MBOAT1: variants seen among roughly 807,000 people sequenced by gnomAD.
MBOAT1 encodes the protein membrane-bound glycerophospholipid O-acyltransferase 1.
A neutral mutation model predicts 64.4 loss-of-function variants in MBOAT1; 67 were observed. That is an observed-to-expected ratio of 1.04 (90% confidence interval 0.85 to 1.27). The LOEUF is 1.27. MBOAT1 is among the 50% of genes most tolerant of loss of function. The pLI is 0.00. For synonymous variants in MBOAT1, 229 were observed against 218.9 expected, an observed-to-expected ratio of 1.05 and a Z score of -0.41; for missense variants, 563 against 604.6, an observed-to-expected ratio of 0.93 and a Z score of 0.72.
At chr6:20,191,444 T>C (rs1486516133) in intron 1 of MBOAT1, among the ~76,000 whole-genome samples, 2 of 152,204 alleles carry the variant, frequency 1.3e-5, no homozygotes, top group Non-Finnish European at 2.9e-5. Context: ...CCTCCAACAA[T>C]GTCTCCTCAT....
intron 1 of MBOAT1, among the ~76,000 whole-genome samples, chr6:20,210,839 G>C (rs550624147): frequency 2.6e-5 from 4 of 152,266 alleles, no homozygotes; most frequent in Admixed American, 2.6e-4. Context: ...CTGATAGGGA[G>C]TGGAGAGGTA....
chr6:20,177,396 G>A (rs532338294), intron 1 of MBOAT1, among the ~76,000 whole-genome samples: 1 of 152,216 alleles, frequency 6.6e-6, no homozygotes, highest in African/African-American at 2.4e-5. Flanking sequence ...GTCTTACTTT[G>A]TTGTCCAGGC....
At chr6:20,143,418 G>A (rs1761238213) in intron 4 of MBOAT1, among the ~76,000 whole-genome samples, 1 of 152,198 alleles carries the variant, frequency 6.6e-6, no homozygotes, top group Non-Finnish European at 1.5e-5. Flanking sequence ...CCGGGGCAAG[G>A]GCAGTCAGGA....
At chr6:20,164,146 T>C (rs1169406085) in intron 1 of MBOAT1, among the ~76,000 whole-genome samples, 1 of 149,894 alleles carries the variant, frequency 6.7e-6, no homozygotes, top group Non-Finnish European at 1.5e-5. Flanking sequence ...TACAAATATA[T>C]GTATTTAATA....
chr6:20,103,559 G>C (rs1759864388), intron 12 of MBOAT1, among the ~76,000 whole-genome samples: 1 of 152,010 alleles, frequency 6.6e-6, no homozygotes, highest in South Asian at 2.1e-4. Flanking sequence ...AGCCTTCCAA[G>C]TAGCTGGGAC....
intron 3 of MBOAT1, among the ~76,000 whole-genome samples, chr6:20,148,079 G>A (rs1476145757): frequency 1.4e-4 from 22 of 152,176 alleles, no homozygotes; most frequent in Non-Finnish European, 1.5e-5. Flanking sequence ...AAACACAGGG[G>A]GTATCCCCAA....
intron 4 of MBOAT1, among the ~76,000 whole-genome samples, chr6:20,136,553 G>A (rs76013563): frequency 6.6e-6 from 1 of 152,130 alleles, no homozygotes; most frequent in Non-Finnish European, 1.5e-5. Flanking sequence ...ATATTGGGCT[G>A]GTCAGATGGA....
chr6:20,166,613 T>C (rs1762021353), intron 1 of MBOAT1, among the ~76,000 whole-genome samples: 1 of 152,078 alleles, frequency 6.6e-6, no homozygotes, highest in African/African-American at 2.4e-5. Flanking sequence ...CTCAGCAGCA[T>C]CAGTAATTGG....
intron 1 of MBOAT1, among the ~76,000 whole-genome samples, chr6:20,163,193 T>C (rs75746638): frequency 0.011 from 1,749 of 152,178 alleles, 33 homozygotes; most frequent in African/African-American, 0.039. Flanking sequence ...ATCCCATAAA[T>C]CAAATCCTTA....
intron 1 of MBOAT1, among the ~76,000 whole-genome samples, chr6:20,168,536 A>G (rs1402089318): frequency 7.0e-6 from 1 of 143,120 alleles, no homozygotes; most frequent in Non-Finnish European, 1.5e-5. Flanking sequence ...AGAAGAGGAG[A>G]GGAGAGGAGA....
chr6:20,105,657 G>A (rs954698436), intron 12 of MBOAT1, among the ~76,000 whole-genome samples: 1 of 152,092 alleles, frequency 6.6e-6, no homozygotes. Flanking sequence ...CCAGCTACTC[G>A]GGAGGCTGAG....
intron 8 of MBOAT1, among the ~76,000 whole-genome samples, chr6:20,120,444 G>A (rs914047086): frequency 1.1e-4 from 17 of 151,942 alleles, no homozygotes; most frequent in African/African-American, 3.9e-4. Context: ...CGAAACGTGC[G>A]GATCACCTGA....
Position 20,212,382 on chromosome 6 carries a change from G to A in MBOAT1, c.-148C>T. 1.5e-6 allele frequency: 1 copy of A among 686,522 alleles called. No homozygotes were observed. Among genetic ancestry groups the A allele is most frequent in the Non-Finnish European group, 2.4e-6 (1 of 415,016 alleles). 42.5% of individuals were successfully genotyped at this position (686,522 alleles called of 1,614,324 possible). On this transcript the variant is annotated 5_prime_UTR_variant, in exon 1 of 13. Coordinates refer to ENST00000324607, the MANE Select transcript of MBOAT1 (RefSeq NM_001080480.3). ...GAGCGAACGGGAGGCCGGGGAATGC[G>A]AACCGGCGCAAACTCTCGAGGCGCA...
chr6:20,185,019 G>A (rs1370150750), intron 1 of MBOAT1, among the ~76,000 whole-genome samples: 4 of 152,020 alleles, frequency 2.6e-5, no homozygotes, highest in African/African-American at 7.3e-5. Flanking sequence ...GGAGGCTGAG[G>A]TGAGAGGATC....
At chr6:20,154,468 G>A (rs1761618719) in intron 1 of MBOAT1, among the ~76,000 whole-genome samples, 1 of 152,260 alleles carries the variant, frequency 6.6e-6, no homozygotes, top group South Asian at 2.1e-4. Context: ...GGGAGGCAGA[G>A]GTTGCAGTGA....
intron 1 of MBOAT1, among the ~76,000 whole-genome samples, chr6:20,184,880 AGTGTGT>A (rs58865791): frequency 1.3e-4 from 19 of 142,970 alleles, no homozygotes; most frequent in South Asian, 4.5e-4. Flanking sequence ...TTATAACTGC[AGTGTGT>A]GTGTGTGTGT....
At chr6:20,198,543 T>C (rs1763027722) in intron 1 of MBOAT1, among the ~76,000 whole-genome samples, 1 of 152,254 alleles carries the variant, frequency 6.6e-6, no homozygotes, top group African/African-American at 2.4e-5. Context: ...CTTGTGACTT[T>C]TCTTAGTCAA....
At chr6:20,110,453 C>T (rs1760105809) in intron 11 of MBOAT1, among the ~76,000 whole-genome samples, 1 of 148,388 alleles carries the variant, frequency 6.7e-6, no homozygotes, top group African/African-American at 2.5e-5. Flanking sequence ...TGGGGTCAAG[C>T]AATCCTTCTG....
At chr6:20,183,113 C>T (rs997296055) in intron 1 of MBOAT1, among the ~76,000 whole-genome samples, 11 of 152,152 alleles carry the variant, frequency 7.2e-5, no homozygotes, top group African/African-American at 1.9e-4. Flanking sequence ...CTGTCCTCTG[C>T]GTCACCTCCC....
Sources: allele counts gnomAD v4.1 joint callset (sites outside exome capture counted in the v4.1 genomes callset), GRCh38; gene constraint gnomAD v4.1.1; transcripts MANE v1.5; gene names NCBI Gene and HGNC (gene_info 2026-07-23, HGNC 2026-07-21).